Variants in TENM3 observed in about 807,000 individuals in gnomAD.
The protein encoded by TENM3 is teneurin-3.
TENM3 carries 63 observed loss-of-function variants against 255.1 expected under a neutral mutation model. The ratio of observed to expected loss-of-function variants is 0.25; its 90% CI spans 0.20 to 0.30. The LOEUF is 0.30. Ranked by LOEUF, TENM3 falls within the 10% of genes least tolerant of loss-of-function variation. The probability of loss-of-function intolerance (pLI) is 1.00; values close to 1 mark genes in which losing one functional copy is unlikely to be tolerated. For missense variants in TENM3, 2,929 were observed against 3,461.1 expected (o/e 0.85, Z 3.86); for synonymous variants, 1,306 against 1,322.3 (o/e 0.99, Z 0.27).
chr4:182,251,579 C>A (rs977090401), intron 1 of TENM3, among the ~76,000 whole-genome samples: 10 of 152,170 alleles, frequency 6.6e-5, no homozygotes, highest in Non-Finnish European at 1.3e-4. Flanking sequence ...GCCTTCTTTC[C>A]CAGTATAGAG....
chr4:182,262,535 C>T (rs1304297147), intron 1 of TENM3, among the ~76,000 whole-genome samples: 1 of 152,088 alleles, frequency 6.6e-6, no homozygotes, highest in African/African-American at 2.4e-5. Flanking sequence ...CCCACCAGCG[C>T]CACGACAATT....
At chr4:182,523,835 G>GT (rs34464890) in intron 3 of TENM3, among the ~76,000 whole-genome samples, 54,537 of 151,372 alleles carry the variant, frequency 0.36, 10,087 homozygotes, top group Admixed American at 0.41. Context: ...TTATTATTTC[G>GT]GAGAGACAAA....
chr4:181,814,745 G>T, the TENM3 span, among the ~76,000 whole-genome samples: 1 of 152,058 alleles, frequency 6.6e-6, no homozygotes, highest in Non-Finnish European at 1.5e-5. Flanking sequence ...GCAAAGAGGT[G>T]ACCTTCCCAA....
intron 3 of TENM3, among the ~76,000 whole-genome samples, chr4:182,354,836 T>C (rs552330378): frequency 1.4e-4 from 22 of 152,346 alleles, no homozygotes; most frequent in South Asian, 4.1e-4. Flanking sequence ...GCCTTGACTT[T>C]AGTCACGCAG....
At chr4:181,584,080 A>G in the TENM3 span, among the ~76,000 whole-genome samples, 1 of 152,236 alleles carries the variant, frequency 6.6e-6, no homozygotes, top group Non-Finnish European at 1.5e-5. Flanking sequence ...AGCACCAAGC[A>G]TATTACATGA....
intron 7 of TENM3, among the ~76,000 whole-genome samples, chr4:182,675,095 C>T (rs1346362065): frequency 3.3e-5 from 5 of 151,176 alleles, no homozygotes; most frequent in East Asian, 2.0e-4. Context: ...AGGCTGGTCC[C>T]GAACTCCCAA....
At chr4:181,641,715 T>TTA in the TENM3 span, among the ~76,000 whole-genome samples, 3 of 123,416 alleles carry the variant, frequency 2.4e-5, no homozygotes, top group South Asian at 2.4e-4. Context: ...ATATTATATA[T>TTA]TATATGTATA....
the TENM3 span, among the ~76,000 whole-genome samples, chr4:181,635,057 GTTGT>G: frequency 9.2e-5 from 14 of 151,984 alleles, no homozygotes; most frequent in Non-Finnish European, 1.8e-4. Flanking sequence ...AAAACATGAG[GTTGT>G]TTATTTCTTA....
chr4:182,239,401 T>A (rs1473187874), upstream of TENM3, among the ~76,000 whole-genome samples: 1 of 152,138 alleles, frequency 6.6e-6, no homozygotes, highest in Non-Finnish European at 1.5e-5. Flanking sequence ...TATAGTCCCT[T>A]ACAATATTGA....
At chr4:181,728,254 A>T in the TENM3 span, among the ~76,000 whole-genome samples, 1 of 152,172 alleles carries the variant, frequency 6.6e-6, no homozygotes, top group Non-Finnish European at 1.5e-5. Context: ...AGGGGTCCCT[A>T]TCCAGACCCA....
chr4:182,632,643 A>AT lies in TENM3; in HGVS notation c.988+3760dup, dbSNP rs542156336. Among the ~76,000 whole-genome samples the AT allele has an allele frequency of 6.4e-3, 977 of 152,108 alleles. 5 individuals are homozygous for AT. Among genetic ancestry groups the AT allele is most frequent in the South Asian group, 0.027 (129 of 4,822 alleles). On this transcript the variant is annotated intron_variant, in intron 5 of 27. Coordinates refer to ENST00000511685, the MANE Select transcript of TENM3 (RefSeq NM_001080477.4). ...AGGCTATTTTCAATTAAGGATATGA[A>AT]TTTTTTGTCACATGTTATGTACTTC...
chr4:182,386,604 G>A (rs1767939081), intron 3 of TENM3, among the ~76,000 whole-genome samples: 1 of 152,112 alleles, frequency 6.6e-6, no homozygotes, highest in African/African-American at 2.4e-5. Context: ...AGCGCTTGCG[G>A]GCCAGCTGTA....
intron 3 of TENM3, among the ~76,000 whole-genome samples, chr4:182,463,192 G>A (rs765275466): frequency 6.6e-6 from 1 of 151,912 alleles, no homozygotes; most frequent in East Asian, 1.9e-4. Context: ...ATTTTTTTAA[G>A]CTCTCTACTG....
the TENM3 span, among the ~76,000 whole-genome samples, chr4:182,092,479 C>G: frequency 6.6e-6 from 1 of 152,064 alleles, no homozygotes; most frequent in Non-Finnish European, 1.5e-5. Context: ...AAGACCCCAT[C>G]TTTGCAAAAA....
the TENM3 span, among the ~76,000 whole-genome samples, chr4:182,027,544 A>AT: frequency 6.9e-6 from 1 of 144,832 alleles, no homozygotes; most frequent in African/African-American, 2.5e-5. Context: ...TCCTGGTTCC[A>AT]TTCTAGACCT....
At chr4:182,127,370 C>T in the TENM3 span, among the ~76,000 whole-genome samples, 1 of 152,108 alleles carries the variant, frequency 6.6e-6, no homozygotes, top group Admixed American at 6.6e-5. Flanking sequence ...TTGTTTGTTA[C>T]AGCTTTGGTT....
chr4:182,099,556 G>T, the TENM3 span, among the ~76,000 whole-genome samples: 1 of 152,072 alleles, frequency 6.6e-6, no homozygotes, highest in Non-Finnish European at 1.5e-5. Flanking sequence ...ACCATGTTGA[G>T]CCTATAGGAA....
At chr4:182,415,760 T>C (rs62352327) in intron 3 of TENM3, among the ~76,000 whole-genome samples, 388 of 152,300 alleles carry the variant, frequency 2.5e-3, no homozygotes, top group Non-Finnish European at 4.4e-3. Context: ...TATTGCTTAT[T>C]GAACTTTAAG....
chr4:181,828,048 T>C, the TENM3 span, among the ~76,000 whole-genome samples: 1 of 152,186 alleles, frequency 6.6e-6, no homozygotes, highest in African/African-American at 2.4e-5. Context: ...AACTGGTTTC[T>C]AGGAACTGAG....
Sources: allele counts gnomAD v4.1 joint callset (sites outside exome capture counted in the v4.1 genomes callset), GRCh38; gene constraint gnomAD v4.1.1; transcripts MANE v1.5; gene names NCBI Gene and HGNC (gene_info 2026-07-23, HGNC 2026-07-21).